The following FOXO3 variants were observed in gnomAD, a reference collection of about 807,000 sequenced individuals.
The protein encoded by FOXO3 is forkhead box O3, also known as forkhead box protein O3.
Under a neutral mutation model 41.9 loss-of-function variants are expected in FOXO3, and 4 were observed. That is an observed-to-expected ratio of 0.10 (90% confidence interval 0.05 to 0.22). The LOEUF is 0.22. FOXO3 is among the 10% of genes least tolerant of loss of function. The pLI is 1.00. For synonymous variants in FOXO3, 318 were observed against 389.3 expected (o/e 0.82, Z 2.16); for missense variants, 534 against 906.8 (o/e 0.59, Z 5.28).
At chr6:108,560,846 CGGGGGGA>C, upstream of FOXO3, 1 of 603,456 alleles carries the variant, frequency 1.7e-6, no homozygotes, top group Non-Finnish European at 2.3e-6. Context: ...GGCTGGGCGG[CGGGGGGA>C]GGGGGCTGCC....
intron 1 of FOXO3, among the ~76,000 whole-genome samples, chr6:108,600,404 GGGTGT>G (rs1777015923): frequency 6.6e-6 from 1 of 151,812 alleles, no homozygotes; most frequent in South Asian, 2.1e-4. Flanking sequence ...AAAATTAGCC[GGGTGT>G]GGTGGTACAC....
At chr6:108,568,851 GTC>G (rs1233341835) in intron 1 of FOXO3, among the ~76,000 whole-genome samples, 1 of 152,166 alleles carries the variant, frequency 6.6e-6, no homozygotes, top group Non-Finnish European at 1.5e-5. Flanking sequence ...CAATGCATAA[GTC>G]TCTGAAAACT....
At chr6:108,611,033 C>A (rs1158895462) in intron 1 of FOXO3, among the ~76,000 whole-genome samples, 1 of 152,142 alleles carries the variant, frequency 6.6e-6, no homozygotes, top group East Asian at 1.9e-4. Flanking sequence ...TCTCCCTCCC[C>A]CTACCCACCC....
chr6:108,674,212 T>C (rs112163298), intron 2 of FOXO3, among the ~76,000 whole-genome samples: 2,002 of 152,244 alleles, frequency 0.013, 20 homozygotes, highest in Non-Finnish European at 0.021. Context: ...TTGGCAAATA[T>C]GAGTAGGTCA....
At chr6:108,569,939 G>C (rs1562227783) in intron 1 of FOXO3, among the ~76,000 whole-genome samples, 1 of 151,080 alleles carries the variant, frequency 6.6e-6, no homozygotes, top group East Asian at 1.9e-4. Flanking sequence ...AAAACCATTA[G>C]GGGGTGGGGT....
intron 1 of FOXO3, among the ~76,000 whole-genome samples, chr6:108,608,982 C>T (rs542136894): frequency 6.2e-4 from 95 of 152,250 alleles, no homozygotes; most frequent in African/African-American, 2.0e-3. Flanking sequence ...GAGGTTGCTA[C>T]GGTACTTGGC....
intron 1 of FOXO3, among the ~76,000 whole-genome samples, chr6:108,646,751 T>G (rs988407358): frequency 1.3e-5 from 2 of 152,216 alleles, no homozygotes; most frequent in African/African-American, 2.4e-5. Context: ...AATGTCTGCT[T>G]CTTTCCTCCT....
chr6:108,620,791 C>T (rs1270946119), intron 1 of FOXO3, among the ~76,000 whole-genome samples: 5 of 152,094 alleles, frequency 3.3e-5, no homozygotes, highest in Non-Finnish European at 7.4e-5. Context: ...AAATTAATAT[C>T]GTAAATGTTT....
At chr6:108,565,655 T>C (rs542684885) in intron 1 of FOXO3, among the ~76,000 whole-genome samples, 2 of 152,182 alleles carry the variant, frequency 1.3e-5, no homozygotes, top group East Asian at 3.9e-4. Flanking sequence ...CTGCTGCTGC[T>C]GCAGAAGATA....
chr6:108,583,803 T>A (rs947942961), intron 1 of FOXO3, among the ~76,000 whole-genome samples: 18 of 152,214 alleles, frequency 1.2e-4, no homozygotes, highest in Non-Finnish European at 2.5e-4. Context: ...TATTGAAAGG[T>A]CTGTGGCAAA....
intron 1 of FOXO3, among the ~76,000 whole-genome samples, chr6:108,614,378 C>A (rs929140879): frequency 6.6e-6 from 1 of 152,036 alleles, no homozygotes; most frequent in Non-Finnish European, 1.5e-5. Flanking sequence ...TTGTATACTG[C>A]TTTATGTATT....
chr6:108,678,972 C>T (rs569799783), intron 2 of FOXO3, among the ~76,000 whole-genome samples: 41 of 144,580 alleles, frequency 2.8e-4, no homozygotes, highest in South Asian at 1.9e-3. Context: ...CTCAGGTTCA[C>T]GCCATTCTCC....
chr6:108,615,370 G>A (rs1311750419), intron 1 of FOXO3, among the ~76,000 whole-genome samples: 1 of 151,994 alleles, frequency 6.6e-6, no homozygotes, highest in African/African-American at 2.4e-5. Context: ...CTTTTAATAG[G>A]TATAAATTTC....
chr6:108,600,014 GA>G (rs1252193235), intron 1 of FOXO3, among the ~76,000 whole-genome samples: 3 of 152,158 alleles, frequency 2.0e-5, no homozygotes, highest in African/African-American at 7.2e-5. Context: ...AATGGACTAA[GA>G]TTTTTTTTAT....
rs889409377 is a variant in FOXO3, at chr6:108,680,158, G to A, written c.*366G>A. On this transcript the variant is annotated 3_prime_UTR_variant, in exon 3 of 3. Transcript: ENST00000406360. ...GTTTTAATATTGCGATGGTTTATGG[G>A]ACGTTTTAAGTGTTGTTCTTGTGTT... 1 of 152,316 alleles carries A rather than the reference G, an allele frequency of 6.6e-6. No homozygotes were observed. The highest frequency in any genetic ancestry group is 1.5e-5 in the Non-Finnish European group (1 of 68,046). The allele number at this position is 152,316 out of a possible 1,614,324, so 9.4% of individuals were successfully genotyped here. A position where few individuals can be genotyped will look rare whatever the true frequency, so the allele number is the denominator to read the frequency against.
At position 108,663,447 on chromosome 6, in the gene FOXO3, C is replaced by T. The variant is rs975826450; in HGVS notation, c.622-8C>T. 1.3e-5 allele frequency: 21 copies of T among 1,594,104 alleles called. No individual in the cohort carries two copies. Among genetic ancestry groups the T allele is most frequent in the East Asian group, 2.2e-5 (1 of 44,682 alleles). On this transcript the variant is annotated splice_polypyrimidine_tract_variant and splice_region_variant and intron_variant, in intron 1 of 2. Transcript: ENST00000406360. The stretch of plus-strand genomic sequence containing the variant: ...GTTCATACTCTGTATTTTCTTTTCT[C>T]CCTGCAGAACTCCATCCGGCACAAC...
chr6:108,626,603 C>T (rs1220633547), intron 1 of FOXO3, among the ~76,000 whole-genome samples: 1 of 125,276 alleles, frequency 8.0e-6, no homozygotes. Flanking sequence ...TTCCAAGAAT[C>T]ACTGATTATA....
chr6:108,652,699 C>T (rs72944313), intron 1 of FOXO3, among the ~76,000 whole-genome samples: 6,436 of 152,296 alleles, frequency 0.042, 253 homozygotes, highest in South Asian at 0.22. Flanking sequence ...AAGCACAGAG[C>T]ATTGGCCCTG....
intron 1 of FOXO3, among the ~76,000 whole-genome samples, chr6:108,569,990 T>TTTTG (rs1429429953): frequency 1.2e-4 from 2 of 16,940 alleles, no homozygotes; most frequent in African/African-American, 2.3e-4. Context: ...TTGCGTGGTT[T>TTTTG]TTTTTTTTTT....
Sources: gnomAD v4.1 joint callset for allele counts (sites outside exome capture counted in the v4.1 genomes callset) on GRCh38, gnomAD v4.1.1 for gene constraint, MANE v1.5 for transcripts, NCBI Gene and HGNC (gene_info 2026-07-23, HGNC 2026-07-21) for gene names.